Variants in BOK observed in about 807,000 individuals in gnomAD.
The protein encoded by BOK is bcl-2-related ovarian killer protein.
In BOK, 20 loss-of-function variants were observed where a neutral mutation model predicts 18.3. That is an observed-to-expected ratio of 1.09 (90% CI 0.77 to 1.59). BOK has a LOEUF of 1.59. Among genes scored for constraint, BOK ranks in the 40% most tolerant of loss-of-function variants. The pLI is 0.00. For synonymous variants in BOK, 173 were observed against 142.4 expected, an observed-to-expected ratio of 1.21 and a Z score of -1.53; for missense variants, 348 against 307.9, an observed-to-expected ratio of 1.13 and a Z score of -0.97.
At position 241,562,197 on chromosome 2, in the gene BOK, G is replaced by C. The variant is rs2066535539; in HGVS notation, c.221-151G>C. ...GATGGCCCAAGGGAGGTCAGATGGG[G>C]TCAAGTGGAGGTGGGAATCAGACAA... is the stretch of plus-strand genomic sequence containing the variant. On this transcript the variant is annotated intron_variant, in intron 2 of 4. Transcript: ENST00000318407. This position sits in a 1 kb window ranked among gnomAD's most constrained non-coding sequence, Gnocchi z 4.5. The C allele has an allele frequency of 2.8e-6, 3 of 1,071,648 alleles. No homozygotes were observed. The highest frequency in any genetic ancestry group is 3.2e-5 in the African/African-American group (2 of 62,128). The allele number at this position is 1,071,648 out of a possible 1,614,324, so 66.4% of individuals were successfully genotyped here. A position where few individuals can be genotyped will look rare whatever the true frequency, so the allele number is the denominator to read the frequency against.
upstream of BOK, among the ~76,000 whole-genome samples, chr2:241,555,500 C>T (rs1023393213): frequency 3.3e-5 from 5 of 152,108 alleles, no homozygotes; most frequent in African/African-American, 7.2e-5. Flanking sequence ...CTCAGCCTCC[C>T]GAGTAGCTGG....
At chr2:241,568,025 A>T (rs1243346961) in intron 3 of BOK, among the ~76,000 whole-genome samples, 1 of 151,516 alleles carries the variant, frequency 6.6e-6, no homozygotes, top group Non-Finnish European at 1.5e-5. Flanking sequence ...CCACGGACTC[A>T]CACTGTATGT....
upstream of BOK, among the ~76,000 whole-genome samples, chr2:241,553,935 A>C (rs1027153739): frequency 2.0e-5 from 3 of 152,046 alleles, no homozygotes; most frequent in Non-Finnish European, 4.4e-5. Flanking sequence ...CTCCCTCCCC[A>C]CTCCATGCTA....
At chr2:241,554,142 C>A (rs905918068), upstream of BOK, among the ~76,000 whole-genome samples, 2 of 152,240 alleles carry the variant, frequency 1.3e-5, no homozygotes, top group Admixed American at 6.5e-5. Context: ...CACAAGGCCA[C>A]AGCAGCCTTC....
At chr2:241,557,340 ACT>A (rs1433147190), upstream of BOK, among the ~76,000 whole-genome samples, 3 of 131,282 alleles carry the variant, frequency 2.3e-5, no homozygotes, top group African/African-American at 8.8e-5. Flanking sequence ...ATGGAATCAC[ACT>A]CTGTTGTCCA....
rs1372606442 is a variant in BOK at position 241,570,231 on chromosome 2, C to T, written c.456C>T (p.Cys152=). The change falls in exon 4 of 5, where the codon TGC becomes TGT. Residue 152 remains cysteine (C), a synonymous_variant. Coordinates refer to ENST00000318407, the MANE Select transcript of BOK (RefSeq NM_032515.5). ...QPAMVHALVD[C]LGEFVRKTLA... is the part of the protein sequence containing the mutation. ...CCATGGTCCACGCCCTCGTGGACTG[C>T]CTGGGGGAGTTCGTGCGCAAGACCC... is the stretch of plus-strand genomic sequence containing the variant. 2 of 1,599,642 alleles carry T rather than the reference C, an allele frequency of 1.3e-6. No individual in the cohort carries two copies. The highest frequency in any genetic ancestry group is 2.7e-5 in the African/African-American group (2 of 74,638).
rs2066742168 is a variant in BOK at position 241,572,602 on chromosome 2, T to C, written c.*180T>C. ...CCGGAAGGGGTGAGTGGGGAGGGGCTTTCCTGAGCCTGGAGCTGGGCTTTG... is the reference window on the plus strand; with the variant it reads ...CCGGAAGGGGTGAGTGGGGAGGGGCCTTCCTGAGCCTGGAGCTGGGCTTTG... On this transcript the variant is annotated 3_prime_UTR_variant, in exon 5 of 5. Coordinates refer to ENST00000318407, the MANE Select transcript of BOK (RefSeq NM_032515.5). 1 of 938,072 alleles carries C rather than the reference T, an allele frequency of 1.1e-6. No homozygotes were observed. The highest frequency in any genetic ancestry group is 1.6e-6 in the Non-Finnish European group (1 of 644,118). 58.1% of individuals were successfully genotyped at this position (938,072 alleles called of 1,614,324 possible).
chr2:241,568,121 T>TTTTA (rs748602298), intron 3 of BOK, among the ~76,000 whole-genome samples: 3 of 152,164 alleles, frequency 2.0e-5, no homozygotes, highest in Non-Finnish European at 4.4e-5. Flanking sequence ...CCATGCCTTC[T>TTTTA]TTTATTTATT....
chr2:241,567,522 C>T (rs4675799), intron 3 of BOK, among the ~76,000 whole-genome samples: 4,228 of 135,016 alleles, frequency 0.031, 978 homozygotes, highest in East Asian at 0.24. Flanking sequence ...CCCGCATGGC[C>T]GTGCCCTTGA....
upstream of BOK, among the ~76,000 whole-genome samples, chr2:241,554,123 C>G (rs186744672): frequency 6.6e-6 from 1 of 152,236 alleles, no homozygotes; most frequent in Non-Finnish European, 1.5e-5. Flanking sequence ...AGCTCAGTCT[C>G]CAAGGCGGCA....
At chr2:241,565,986 A>G (rs992402226) in intron 3 of BOK, among the ~76,000 whole-genome samples, 1 of 152,144 alleles carries the variant, frequency 6.6e-6, no homozygotes, top group Non-Finnish European at 1.5e-5. Flanking sequence ...TAGTTTTATT[A>G]TAAGAAAAAT....
rs2066763332 is a variant in BOK, at chr2:241,573,979, G to C, written c.*1557G>C. 1 of 152,336 alleles carries C rather than the reference G, an allele frequency of 6.6e-6. No homozygotes were observed. Among genetic ancestry groups the C allele is most frequent in the Non-Finnish European group, 1.5e-5 (1 of 68,124 alleles). 9.4% of individuals were successfully genotyped at this position (152,336 alleles called of 1,614,324 possible). A position where few individuals can be genotyped will look rare whatever the true frequency, so the allele number is the denominator to read the frequency against. Reference sequence around the variant, plus strand: ...GGCCTGGCCTAGCAGCCACCCACCTGAGCCCTCCCGGCCAGGCTTCGTGCT... The same window carrying C: ...GGCCTGGCCTAGCAGCCACCCACCTCAGCCCTCCCGGCCAGGCTTCGTGCT... On this transcript the variant is annotated 3_prime_UTR_variant, in exon 5 of 5. Coordinates refer to ENST00000318407, the MANE Select transcript of BOK (RefSeq NM_032515.5).
intron 2 of BOK, 106 bp downstream of exon 2, chr2:241,559,809 G>T (rs2066498523): frequency 5.0e-6 from 6 of 1,200,390 alleles, no homozygotes; most frequent in Non-Finnish European, 6.3e-6. Flanking sequence ...CCCACCCCCT[G>T]CCTGGGACGG....
At chr2:241,565,847 C>T (rs1292368894) in intron 3 of BOK, among the ~76,000 whole-genome samples, 1 of 152,222 alleles carries the variant, frequency 6.6e-6, no homozygotes, top group South Asian at 2.1e-4. Context: ...TGGAAAAACT[C>T]ATCTCCAAAG....
intron 2 of BOK, among the ~76,000 whole-genome samples, chr2:241,561,454 G>A (rs2066526220): frequency 6.7e-6 from 1 of 149,636 alleles, no homozygotes; most frequent in South Asian, 2.1e-4. Flanking sequence ...CAGCCCAGGT[G>A]GGAGCGTGGC....
rs1465552818 is a variant in BOK at position 241,569,294 on chromosome 2, G to C, written c.350-831G>C. 3.5e-5 allele frequency among the ~76,000 whole-genome samples: 5 copies of C among 142,392 alleles called. No individual in the cohort carries two copies. The Admixed American group carries it at 3.5e-4, about 10-fold the overall frequency. The allele number at this position is 142,392 out of a possible 152,430, so 93.4% of individuals were successfully genotyped here. A position where few individuals can be genotyped will look rare whatever the true frequency, so the allele number is the denominator to read the frequency against. On this transcript the variant is annotated intron_variant, in intron 3 of 4. Coordinates refer to ENST00000318407, the MANE Select transcript of BOK (RefSeq NM_032515.5). Reference sequence around the variant, plus strand: ...TTATAGGCGCGTGCCACCACGCCTGGCTAATTTTTTGTGTATTTTTAGTAG... The same window carrying C: ...TTATAGGCGCGTGCCACCACGCCTGCCTAATTTTTTGTGTATTTTTAGTAG...
At chr2:241,570,056 C>T in intron 3 of BOK, 69 bp from the exon 4 acceptor site, 4 of 1,536,986 alleles carry the variant, frequency 2.6e-6, no homozygotes, top group Non-Finnish European at 3.5e-6. Flanking sequence ...CAGAGAGGCC[C>T]AGCCCCTTCC....
At chr2:241,555,439 G>C (rs1343301648), upstream of BOK, among the ~76,000 whole-genome samples, 1 of 150,760 alleles carries the variant, frequency 6.6e-6, no homozygotes, top group Non-Finnish European at 1.5e-5. Context: ...GCAGTGGCAT[G>C]AGCTCGGCTC....
Position 241,570,277 on chromosome 2 carries a change from C to G in BOK, c.502C>G (p.Arg168Gly). The G allele has an allele frequency of 6.4e-7, 1 of 1,560,054 alleles. No homozygotes were observed. Among genetic ancestry groups the G allele is most frequent in the Non-Finnish European group, 8.7e-7 (1 of 1,153,952 alleles). Residue 168 changes from arginine to glycine, a missense_variant, in exon 4 of 5, where the codon CGC (arginine) becomes GGC (glycine). Transcript: ENST00000318407. ...RKTLATWLRRRGGWTDVLKCV... is the reference protein window; with the variant it reads ...RKTLATWLRRGGGWTDVLKCV... Reference sequence around the variant, plus strand: ...GACCCTGGCAACCTGGCTGCGGAGACGCGGCGGATGGGTGAGCGCCTGAGT... The same window carrying G: ...GACCCTGGCAACCTGGCTGCGGAGAGGCGGCGGATGGGTGAGCGCCTGAGT...
Sources: gnomAD v4.1 joint callset for allele counts (sites outside exome capture counted in the v4.1 genomes callset) on GRCh38, gnomAD v4.1.1 for gene constraint, Gnocchi (gnomAD v3.1) non-coding constraint, MANE v1.5 for transcripts, NCBI Gene and HGNC (gene_info 2026-07-23, HGNC 2026-07-21) for gene names.